FBXO10: variants seen among roughly 807,000 people sequenced by gnomAD.
The protein encoded by FBXO10 is F-box protein 10.
Under a neutral mutation model 80.7 loss-of-function variants are expected in FBXO10, and 39 were observed. The ratio of observed to expected loss-of-function variants is 0.48; its 90% CI spans 0.37 to 0.63. FBXO10 has a LOEUF of 0.63. FBXO10 is among the 30% of genes least tolerant of loss of function. The probability of loss-of-function intolerance (pLI) is 0.00; values close to 1 mark genes in which losing one functional copy is unlikely to be tolerated. For missense variants in FBXO10, 1,025 were observed against 1,269.0 expected (o/e 0.81, Z 2.92); for synonymous variants, 449 against 489.6 (o/e 0.92, Z 1.09).
intron 1 of FBXO10, 132 bp from the exon 2 acceptor site, chr9:37,541,906 C>T: frequency 4.2e-6 from 3 of 722,632 alleles, no homozygotes; most frequent in Non-Finnish European, 6.6e-6. Flanking sequence ...TTGGCCTCAC[C>T]ATAACCTCCA....
At position 37,569,201 on chromosome 9, in the gene FBXO10, G is replaced by GA. The variant is rs538041085; in HGVS notation, c.-7+7009dup. ...AGTTACAGAAAAGATGCAACTAATG[G>GA]AAAAAAAATACCTTGTGTAGATTTT... On this transcript the variant is annotated intron_variant, in intron 1 of 10. Coordinates refer to ENST00000432825, the MANE Select transcript of FBXO10 (RefSeq NM_012166.3). Among the ~76,000 whole-genome samples, 56 of 148,186 alleles carry GA rather than the reference G, an allele frequency of 3.8e-4. 1 individual carries two copies. The highest frequency in any genetic ancestry group is 1.8e-3 in the East Asian group (9 of 5,114).
At chr9:37,518,023 G>T (rs1821228822) in intron 9 of FBXO10, 102 bp downstream of exon 9, 2 of 1,228,260 alleles carry the variant, frequency 1.6e-6, no homozygotes, top group African/African-American at 1.5e-5. Context: ...CCCTTGTAGT[G>T]CTGAGTGATT....
At chr9:37,570,894 T>C (rs960090021) in intron 1 of FBXO10, among the ~76,000 whole-genome samples, 5 of 150,968 alleles carry the variant, frequency 3.3e-5, no homozygotes, top group African/African-American at 1.2e-4. Flanking sequence ...CTCAGGAGGC[T>C]GAGGCAGGAG....
In FBXO10 at chr9:37,542,723, ATG is replaced by A. The variant is rs550859671; in HGVS notation, c.-6-951_-6-950del. On this transcript the variant is annotated intron_variant, in intron 1 of 10. Coordinates refer to ENST00000432825, the MANE Select transcript of FBXO10 (RefSeq NM_012166.3). Reference sequence around the variant, plus strand: ...AAGAGGAAGAAAACAAGGTGAGCACATGTGTGTGTGTATCCTGATAGTACTGA... The same window carrying A: ...AAGAGGAAGAAAACAAGGTGAGCACATGTGTGTGTATCCTGATAGTACTGA... Among the ~76,000 whole-genome samples the A allele has an allele frequency of 5.9e-5, 9 of 152,308 alleles. No homozygotes were observed. In the South Asian group the frequency reaches 1.9e-3, roughly 32 times the overall value.
chr9:37,516,739 G>A (rs1351754613), intron 9 of FBXO10, among the ~76,000 whole-genome samples: 5 of 152,196 alleles, frequency 3.3e-5, no homozygotes, highest in African/African-American at 4.8e-5. Flanking sequence ...GCTGAGGCAG[G>A]TGGATCGATC....
At chr9:37,530,229 G>A (rs746040735) in intron 4 of FBXO10, among the ~76,000 whole-genome samples, 4 of 152,040 alleles carry the variant, frequency 2.6e-5, no homozygotes, top group Admixed American at 1.3e-4. Flanking sequence ...AAATGATTTC[G>A]CAGAAATAAA....
intron 9 of FBXO10, among the ~76,000 whole-genome samples, chr9:37,517,483 G>A (rs1821212900): frequency 2.8e-5 from 3 of 106,590 alleles, no homozygotes; most frequent in Admixed American, 2.6e-4. Flanking sequence ...CCGGTGGGGA[G>A]ACAAATAGGT....
intron 1 of FBXO10, among the ~76,000 whole-genome samples, chr9:37,548,299 C>T (rs370735921): frequency 6.6e-6 from 1 of 152,066 alleles, no homozygotes; most frequent in East Asian, 1.9e-4. Context: ...GCAGGAGAAT[C>T]ACTTGAACCC....
rs561358584 is a variant in FBXO10 at position 37,533,963 on chromosome 9, A to G, written c.1420-1905T>C. ...TAGCATTTGCATCGTATTGGGTATTATAAGTAATCTAGAGATGACTGAAGT... is the reference window on the plus strand; with the variant it reads ...TAGCATTTGCATCGTATTGGGTATTGTAAGTAATCTAGAGATGACTGAAGT... On this transcript the variant is annotated intron_variant, in intron 3 of 10. Coordinates refer to ENST00000432825, the MANE Select transcript of FBXO10 (RefSeq NM_012166.3). Among the ~76,000 whole-genome samples the G allele has an allele frequency of 4.3e-4, 66 of 152,090 alleles. 1 individual carries two copies. The highest frequency in any genetic ancestry group is 7.6e-4 in the Non-Finnish European group (52 of 68,028).
At chr9:37,520,045 G>T (rs899297277) in intron 8 of FBXO10, among the ~76,000 whole-genome samples, 2 of 151,934 alleles carry the variant, frequency 1.3e-5, no homozygotes, top group African/African-American at 4.8e-5. Context: ...ATGTTGCCTA[G>T]TCTGGTCTTG....
intron 1 of FBXO10, 73 bp downstream of exon 1, chr9:37,576,138 C>T (rs1478031155): frequency 2.0e-5 from 3 of 152,314 alleles, no homozygotes; most frequent in Non-Finnish European, 2.9e-5. Context: ...GGTCGGTCGC[C>T]TGGGGAAGCG....
At chr9:37,573,127 G>A (rs764826727) in intron 1 of FBXO10, among the ~76,000 whole-genome samples, 2 of 152,168 alleles carry the variant, frequency 1.3e-5, no homozygotes, top group Non-Finnish European at 2.9e-5. Context: ...CAGAACCCTG[G>A]AGAGTATGTG....
At chr9:37,570,177 G>GGCGC (rs1285738798) in intron 1 of FBXO10, among the ~76,000 whole-genome samples, 1 of 152,136 alleles carries the variant, frequency 6.6e-6, no homozygotes, top group Admixed American at 6.5e-5. Flanking sequence ...TGGGCATGGT[G>GGCGC]GCGCATGCAT....
At chr9:37,520,788 A>C (rs1232271258) in intron 8 of FBXO10, among the ~76,000 whole-genome samples, 2 of 152,154 alleles carry the variant, frequency 1.3e-5, no homozygotes, top group Non-Finnish European at 2.9e-5. Context: ...TTGAATTTTG[A>C]GAAATGTATC....
intron 1 of FBXO10, among the ~76,000 whole-genome samples, chr9:37,555,396 G>T (rs954697925): frequency 2.3e-4 from 35 of 149,946 alleles, no homozygotes; most frequent in African/African-American, 8.1e-4. Context: ...TTTTTCAGAC[G>T]GAGTTTTGCT....
rs10973387 is a variant in FBXO10 at position 37,512,737 on chromosome 9, G to C, written c.2697-16C>G. 1 of 1,607,400 alleles carries C rather than the reference G, an allele frequency of 6.2e-7. No homozygotes were observed. The highest frequency in any genetic ancestry group is 1.3e-5 in the African/African-American group (1 of 74,808). On this transcript the variant is annotated splice_polypyrimidine_tract_variant and intron_variant, in intron 10 of 10. Transcript: ENST00000432825. The stretch of plus-strand genomic sequence containing the variant: ...CGTATCAGACCTGGAGGTGCAAAAC[G>C]AAAGTCAGTGAACTTCTGAGGGGTG...
intron 2 of FBXO10, among the ~76,000 whole-genome samples, chr9:37,538,506 G>A (rs1057469014): frequency 1.3e-5 from 2 of 152,082 alleles, no homozygotes; most frequent in African/African-American, 4.8e-5. Flanking sequence ...TCAGGAGTTC[G>A]AGACCAGCCT....
Position 37,515,898 on chromosome 9 carries a change from A to G in FBXO10, c.2696+6T>C, listed in dbSNP as rs781767194. The G allele has an allele frequency of 1.9e-6, 3 of 1,612,690 alleles. No individual in the cohort carries two copies. The highest frequency in any genetic ancestry group is 2.5e-6 in the Non-Finnish European group (3 of 1,179,250). ...AGGACTCGTTCAGGCAACCCCAAGCACTCACTTTTTCTTGAAGACCAGGAA... is the reference window on the plus strand; with the variant it reads ...AGGACTCGTTCAGGCAACCCCAAGCGCTCACTTTTTCTTGAAGACCAGGAA... On this transcript the variant is annotated splice_donor_region_variant and intron_variant, in intron 10 of 10. Coordinates refer to ENST00000432825, the MANE Select transcript of FBXO10 (RefSeq NM_012166.3).
chr9:37,575,143 T>C (rs78135558), intron 1 of FBXO10, among the ~76,000 whole-genome samples: 7 of 152,104 alleles, frequency 4.6e-5, no homozygotes, highest in African/African-American at 1.4e-4. Context: ...GTTTTTTTTT[T>C]CGGTGGCTAC....
Sources: allele counts gnomAD v4.1 joint callset (sites outside exome capture counted in the v4.1 genomes callset), GRCh38; gene constraint gnomAD v4.1.1; transcripts MANE v1.5; gene names NCBI Gene and HGNC (gene_info 2026-07-23, HGNC 2026-07-21).